The following MDGA2 variants were observed in gnomAD, a reference collection of about 807,000 sequenced individuals.
MDGA2 encodes MAM domain-containing glycosylphosphatidylinositol anchor protein 2.
MDGA2 carries 40 observed loss-of-function variants against 117.8 expected under a neutral mutation model. The observed-to-expected ratio is 0.34, with a 90% CI of 0.26 to 0.44. MDGA2 has a LOEUF of 0.44. MDGA2 is among the 20% of genes least tolerant of loss of function. MDGA2 has a pLI of 1.00. For missense variants in MDGA2, 1,123 were observed against 1,250.6 expected, an observed-to-expected ratio of 0.90 and a Z score of 1.54; for synonymous variants, 452 against 439.0, an observed-to-expected ratio of 1.03 and a Z score of -0.37.
chr14:47,195,364 C>A (rs1015511880), intron 3 of MDGA2, among the ~76,000 whole-genome samples: 12 of 151,850 alleles, frequency 7.9e-5, no homozygotes, highest in Non-Finnish European at 1.3e-4. Context: ...CACTTTTAAG[C>A]CCTTATTTAA....
intron 1 of MDGA2, among the ~76,000 whole-genome samples, chr14:47,425,073 A>G (rs1262775216): frequency 6.6e-6 from 1 of 152,128 alleles, no homozygotes; most frequent in Non-Finnish European, 1.5e-5. Context: ...TTCAAAAAGA[A>G]TTTCTCATTT....
chr14:46,987,480 T>A (rs2138414208), intron 8 of MDGA2, among the ~76,000 whole-genome samples: 1 of 152,210 alleles, frequency 6.6e-6, no homozygotes, highest in Middle Eastern at 3.4e-3. Flanking sequence ...ATTCCTCCTT[T>A]ATGCAGAGGG....
intron 1 of MDGA2, among the ~76,000 whole-genome samples, chr14:47,522,645 G>A (rs1417816740): frequency 1.3e-5 from 2 of 152,064 alleles, no homozygotes; most frequent in Non-Finnish European, 2.9e-5. Context: ...TAATAGCAGA[G>A]GTATTTCCTT....
At chr14:47,466,799 T>C (rs866276336) in intron 1 of MDGA2, among the ~76,000 whole-genome samples, 20 of 152,028 alleles carry the variant, frequency 1.3e-4, no homozygotes, top group Middle Eastern at 6.8e-3. Flanking sequence ...AATATATTGA[T>C]AATATATTAC....
chr14:47,373,873 CATG>C (rs1405748407), intron 1 of MDGA2, among the ~76,000 whole-genome samples: 2 of 152,070 alleles, frequency 1.3e-5, no homozygotes, highest in African/African-American at 4.8e-5. Context: ...ATTTTTTCAA[CATG>C]ATAACTGTTT....
chr14:47,600,164 G>T (rs184829912), intron 1 of MDGA2, among the ~76,000 whole-genome samples: 1 of 152,124 alleles, frequency 6.6e-6, no homozygotes, highest in Non-Finnish European at 1.5e-5. Flanking sequence ...GGGAGGCTGA[G>T]GTAGGTGGAT....
intron 1 of MDGA2, among the ~76,000 whole-genome samples, chr14:47,390,438 G>C (rs1054197980): frequency 1.3e-5 from 2 of 152,054 alleles, no homozygotes; most frequent in South Asian, 4.1e-4. Flanking sequence ...ACCTTCCATC[G>C]TAAAGATACT....
At chr14:47,319,224 A>C (rs1889903568) in intron 1 of MDGA2, among the ~76,000 whole-genome samples, 1 of 152,166 alleles carries the variant, frequency 6.6e-6, no homozygotes, top group African/African-American at 2.4e-5. Flanking sequence ...TATCTGCTTT[A>C]TGTAGGCAAG....
intron 1 of MDGA2, among the ~76,000 whole-genome samples, chr14:47,323,728 A>ACGT (rs55702188): frequency 0.096 from 14,607 of 152,180 alleles, 750 homozygotes; most frequent in Middle Eastern, 0.13. Context: ...AACTGGAATG[A>ACGT]CGTCTTCAGT....
chr14:47,339,930 A>T (rs1373228098), intron 1 of MDGA2, among the ~76,000 whole-genome samples: 2 of 152,200 alleles, frequency 1.3e-5, no homozygotes, highest in East Asian at 3.8e-4. Context: ...TGTTTTCCCT[A>T]GTAATGCCAG....
intron 7 of MDGA2, among the ~76,000 whole-genome samples, chr14:47,052,423 G>T (rs893715098): frequency 6.6e-6 from 1 of 151,836 alleles, no homozygotes; most frequent in African/African-American, 2.4e-5. Flanking sequence ...TCAAACCTTT[G>T]TTCTGATATT....
At chr14:47,398,104 G>T (rs1018981152) in intron 1 of MDGA2, among the ~76,000 whole-genome samples, 17 of 152,178 alleles carry the variant, frequency 1.1e-4, no homozygotes, top group African/African-American at 4.1e-4. Context: ...TCACATGATT[G>T]GTGTCTGGTC....
intron 1 of MDGA2, among the ~76,000 whole-genome samples, chr14:47,576,169 C>G (rs771115971): frequency 6.6e-5 from 10 of 152,112 alleles, no homozygotes; most frequent in Non-Finnish European, 1.3e-4. Context: ...TTTCTATTTT[C>G]CCATTTCATT....
chr14:47,323,665 T>C (rs961505693), intron 1 of MDGA2, among the ~76,000 whole-genome samples: 1 of 150,318 alleles, frequency 6.7e-6, no homozygotes, highest in African/African-American at 2.5e-5. Flanking sequence ...AAAAACAACA[T>C]GACAGAGAAA....
chr14:47,532,962 T>C (rs540560081), intron 1 of MDGA2, among the ~76,000 whole-genome samples: 2 of 152,352 alleles, frequency 1.3e-5, no homozygotes, highest in Admixed American at 1.3e-4. Context: ...CCTTCCCTTA[T>C]GGTAGCAACA....
At chr14:46,889,520 A>G (rs1453613006) in intron 10 of MDGA2, among the ~76,000 whole-genome samples, 1 of 152,006 alleles carries the variant, frequency 6.6e-6, no homozygotes, top group Non-Finnish European at 1.5e-5. Context: ...CTCAACTTCA[A>G]CAGTTTTTTC....
intron 6 of MDGA2, among the ~76,000 whole-genome samples, chr14:47,072,813 AG>A (rs1566607621): frequency 1.3e-5 from 2 of 152,196 alleles, no homozygotes; most frequent in African/African-American, 4.8e-5. Context: ...GCAGGTCATC[AG>A]CTCACCCAGA....
intron 1 of MDGA2, among the ~76,000 whole-genome samples, chr14:47,650,658 C>T (rs1347192418): frequency 6.6e-6 from 1 of 152,112 alleles, no homozygotes; most frequent in African/African-American, 2.4e-5. Context: ...AGAGTCTGGC[C>T]ACCTGCAACC....
intron 1 of MDGA2, among the ~76,000 whole-genome samples, chr14:47,660,988 T>C (rs757692912): frequency 1.3e-5 from 2 of 152,144 alleles, no homozygotes; most frequent in Non-Finnish European, 2.9e-5. Flanking sequence ...GAAAACCATA[T>C]GGTATAAAGT....
Sources: gnomAD v4.1 joint callset for allele counts (sites outside exome capture counted in the v4.1 genomes callset) on GRCh38, gnomAD v4.1.1 for gene constraint, MANE v1.5 for transcripts, NCBI Gene and HGNC (gene_info 2026-07-23, HGNC 2026-07-21) for gene names.